The following PDGFRL variants were observed in gnomAD, a reference collection of about 807,000 sequenced individuals.
The protein encoded by PDGFRL is platelet derived growth factor receptor like.
A neutral mutation model predicts 37.2 loss-of-function variants in PDGFRL; 46 were observed. The ratio of observed to expected loss-of-function variants is 1.24; its 90% CI spans 0.98 to 1.58. The LOEUF is 1.58. Ranked by LOEUF, PDGFRL falls within the 40% of genes most tolerant of loss-of-function variation. The pLI is 0.00. For synonymous variants in PDGFRL, 251 were observed against 184.3 expected, an observed-to-expected ratio of 1.36 and a Z score of -2.93; for missense variants, 692 against 467.6, an observed-to-expected ratio of 1.48 and a Z score of -4.43.
chr8:17,622,753 G>T lies in PDGFRL; in HGVS notation c.505+1551G>T, dbSNP rs149932179. On this transcript the variant is annotated intron_variant, in intron 3 of 5. Coordinates refer to ENST00000251630, the MANE Select transcript of PDGFRL (RefSeq NM_001372073.1). Reference sequence around the variant, plus strand: ...GGGTCCTGAAAGCAGGTTGCAGGTTGCTCTCCACACAATTGAATACAAGGG... The same window carrying T: ...GGGTCCTGAAAGCAGGTTGCAGGTTTCTCTCCACACAATTGAATACAAGGG... Among the ~76,000 whole-genome samples the T allele has an allele frequency of 2.0e-4, 31 of 152,296 alleles. No individual in the cohort carries two copies. The East Asian group carries it at 5.8e-3, about 28-fold the overall frequency.
intron 2 of PDGFRL, among the ~76,000 whole-genome samples, chr8:17,600,025 A>AC (rs1329501570): frequency 6.6e-6 from 1 of 151,124 alleles, no homozygotes; most frequent in Non-Finnish European, 1.5e-5. Context: ...TTCTGCCTTG[A>AC]CCCCCATGCA....
intron 2 of PDGFRL, among the ~76,000 whole-genome samples, chr8:17,593,980 C>A (rs78660190): frequency 6.6e-6 from 1 of 152,084 alleles, no homozygotes; most frequent in Non-Finnish European, 1.5e-5. Flanking sequence ...ACCTCTAGAC[C>A]GTTTTCATCT....
intron 2 of PDGFRL, among the ~76,000 whole-genome samples, chr8:17,613,529 G>A (rs572772129): frequency 2.6e-5 from 4 of 152,268 alleles, no homozygotes; most frequent in South Asian, 4.1e-4. Flanking sequence ...GGGATGTAGC[G>A]TGTGCAGTCT....
At chr8:17,603,878 T>G (rs1804219093) in intron 2 of PDGFRL, among the ~76,000 whole-genome samples, 1 of 152,084 alleles carries the variant, frequency 6.6e-6, no homozygotes, top group Non-Finnish European at 1.5e-5. Flanking sequence ...AGGAAGGGCA[T>G]AGCAAGATAT....
rs542932447 is a variant in PDGFRL at position 17,618,669 on chromosome 8, G to A, written c.354-2382G>A. ...CCCTCTGCAAAATAGGGAGCTGGAT[G>A]CCTGCCTCTCCAGATTCTTTCCTTT... On this transcript the variant is annotated intron_variant, in intron 2 of 5. Coordinates refer to ENST00000251630, the MANE Select transcript of PDGFRL (RefSeq NM_001372073.1). Among the ~76,000 whole-genome samples the A allele has an allele frequency of 2.6e-5, 4 of 152,304 alleles. No homozygotes were observed. The South Asian group carries it at 8.3e-4, about 32-fold the overall frequency.
chr8:17,581,123 A>C (rs961431805), intron 1 of PDGFRL, among the ~76,000 whole-genome samples: 2 of 152,122 alleles, frequency 1.3e-5, no homozygotes, highest in African/African-American at 4.8e-5. Context: ...TTTTTAGGGG[A>C]CACAATTCAA....
chr8:17,622,422 C>T (rs1326064976), intron 3 of PDGFRL, among the ~76,000 whole-genome samples: 1 of 63,600 alleles, frequency 1.6e-5, no homozygotes, highest in African/African-American at 6.5e-5. Flanking sequence ...AGACATAGGC[C>T]TAGACCTAGA....
At chr8:17,642,546 G>A in intron 5 of PDGFRL, 67 bp from the exon 6 acceptor site, 2 of 915,114 alleles carry the variant, frequency 2.2e-6, no homozygotes, top group South Asian at 1.4e-5. Context: ...AACAGTGTTG[G>A]GTGAGTGGGA....
chr8:17,595,191 C>G (rs551040962), intron 2 of PDGFRL, among the ~76,000 whole-genome samples: 73 of 152,280 alleles, frequency 4.8e-4, no homozygotes, highest in African/African-American at 1.3e-3. Context: ...CTGCAGCCAC[C>G]TCCAGGGACT....
At chr8:17,580,743 C>T (rs975966512) in intron 1 of PDGFRL, among the ~76,000 whole-genome samples, 4 of 152,170 alleles carry the variant, frequency 2.6e-5, no homozygotes, top group Non-Finnish European at 5.9e-5. Context: ...TTTGTTTGCT[C>T]ACAGTCCAGA....
In PDGFRL at chr8:17,604,883, G is replaced by T. The variant is rs575907856; in HGVS notation, c.353+15118G>T. Among the ~76,000 whole-genome samples, 32 of 152,288 alleles carry T rather than the reference G, an allele frequency of 2.1e-4. No individual in the cohort carries two copies. In the South Asian group the frequency reaches 6.6e-3, roughly 32 times the overall value. ...AATTCCAGCCCTTTGGGAGGCTGAG[G>T]CGGGTGAATCACTTGAGCTCAGGAG... is the stretch of plus-strand genomic sequence containing the variant. On this transcript the variant is annotated intron_variant, in intron 2 of 5. Transcript: ENST00000251630.
chr8:17,617,679 CA>C, intron 2 of PDGFRL, among the ~76,000 whole-genome samples: 1 of 152,310 alleles, frequency 6.6e-6, no homozygotes, highest in South Asian at 2.1e-4. Context: ...TGGAAAAATG[CA>C]GAACTGTTTT....
At chr8:17,639,213 T>G (rs1412743144) in intron 5 of PDGFRL, among the ~76,000 whole-genome samples, 1 of 152,198 alleles carries the variant, frequency 6.6e-6, no homozygotes, top group African/African-American at 2.4e-5. Flanking sequence ...TCTTACCCAT[T>G]CTGCCATTCT....
At position 17,590,626 on chromosome 8, in the gene PDGFRL, C is replaced by T. The variant is rs6995648; in HGVS notation, c.353+861C>T. ...TCAGGCAGAGCTGAGGCAGAAGAGT[C>T]GCTTGAACCCGGGATGCAGAGGTTA... On this transcript the variant is annotated intron_variant, in intron 2 of 5. Transcript: ENST00000251630. 5.8e-3 allele frequency among the ~76,000 whole-genome samples: 879 copies of T among 151,988 alleles called. 15 individuals carry two copies. Among genetic ancestry groups the T allele is most frequent in the South Asian group, 0.053 (253 of 4,812 alleles).
chr8:17,603,821 G>A (rs1212024733), intron 2 of PDGFRL, among the ~76,000 whole-genome samples: 1 of 152,188 alleles, frequency 6.6e-6, no homozygotes, highest in Admixed American at 6.5e-5. Context: ...GAAGTATGCT[G>A]TCAAGGAGGA....
chr8:17,642,794 T>C lies in PDGFRL; in HGVS notation c.1121T>C (p.Phe374Ser). The change falls in exon 6 of 6, where the codon TTT (phenylalanine) becomes TCT (serine). Residue 374 changes from phenylalanine to serine, a missense_variant. Physicochemically the swap from Phe to Ser is radical, Grantham distance 155 (BLOSUM62 -2). Coordinates refer to ENST00000251630, the MANE Select transcript of PDGFRL (RefSeq NM_001372073.1). ...GQTTVATTVE[F>S]S is the part of the protein sequence containing the mutation. Reference sequence around the variant, plus strand: ...ACCACAGTAGCTACCACTGTTGAGTTTTCCTGACTTGGAAAAGGAAATGTA... The same window carrying C: ...ACCACAGTAGCTACCACTGTTGAGTCTTCCTGACTTGGAAAAGGAAATGTA... 6.3e-7 allele frequency: 1 copy of C among 1,597,754 alleles called. No individual in the cohort carries two copies. Among genetic ancestry groups the C allele is most frequent in the East Asian group, 2.2e-5 (1 of 44,786 alleles).
chr8:17,599,286 C>A (rs1438924710), intron 2 of PDGFRL, among the ~76,000 whole-genome samples: 1 of 152,178 alleles, frequency 6.6e-6, no homozygotes, highest in African/African-American at 2.4e-5. Context: ...TATCTTTTAT[C>A]CCTCACTGCC....
At chr8:17,599,379 G>A (rs2299573) in intron 2 of PDGFRL, among the ~76,000 whole-genome samples, 39,290 of 152,032 alleles carry the variant, frequency 0.26, 5,427 homozygotes, top group African/African-American at 0.36. Context: ...CCCACATATC[G>A]GTGAGAACTT....
intron 2 of PDGFRL, among the ~76,000 whole-genome samples, chr8:17,600,380 T>C (rs949587050): frequency 2.6e-5 from 4 of 152,168 alleles, no homozygotes; most frequent in Non-Finnish European, 4.4e-5. Flanking sequence ...CTTCCAGACA[T>C]TGAATGTTGG....
Sources: allele counts gnomAD v4.1 joint callset (sites outside exome capture counted in the v4.1 genomes callset), GRCh38; gene constraint gnomAD v4.1.1; transcripts MANE v1.5; gene names NCBI Gene and HGNC (gene_info 2026-07-23, HGNC 2026-07-21).